Variants in GYPC observed in about 807,000 individuals in gnomAD.
The protein encoded by GYPC is glycophorin-C.
GYPC carries 14 observed loss-of-function variants against 12.6 expected under a neutral mutation model. The observed-to-expected ratio is 1.11, with a 90% CI of 0.74 to 1.74. The LOEUF is 1.74. Among genes scored for constraint, GYPC ranks in the 40% most tolerant of loss-of-function variants. The pLI, the probability that GYPC is intolerant of heterozygous loss-of-function variation, is 0.00. For missense variants in GYPC, 225 were observed against 172.1 expected, an observed-to-expected ratio of 1.31 and a Z score of -1.72; for synonymous variants, 78 against 62.1, an observed-to-expected ratio of 1.26 and a Z score of -1.20.
At chr2:126,677,071 C>T (rs963094779) in intron 1 of GYPC, among the ~76,000 whole-genome samples, 50 of 152,196 alleles carry the variant, frequency 3.3e-4, no homozygotes, top group African/African-American at 1.2e-3. Context: ...ACCCTATCTT[C>T]CCATAGACCA....
Position 126,656,272 on chromosome 2 carries a change from G to T in GYPC, c.9G>T (p.Ser3=). ...CGGGCTGACGCCCAGGAATGTGGTC[G>T]ACGAGAAGCCCCAACAGCACGGCGT... is the stretch of plus-strand genomic sequence containing the variant. MW[S]TRSPNSTAWP... Residue 3 remains serine (S), a synonymous_variant, in exon 1 of 4, where the codon TCG becomes TCT. Transcript: ENST00000259254. 1 of 1,603,894 alleles carries T rather than the reference G, an allele frequency of 6.2e-7. No individual in the cohort carries two copies. The highest frequency in any genetic ancestry group is 8.5e-7 in the Non-Finnish European group (1 of 1,176,840).
intron 1 of GYPC, among the ~76,000 whole-genome samples, chr2:126,661,455 C>CTTT (rs55662976): frequency 3.6e-4 from 52 of 145,262 alleles, no homozygotes; most frequent in African/African-American, 1.3e-3. Flanking sequence ...CTCTCTCTCT[C>CTTT]TTTTTTTTTT....
chr2:126,657,489 G>A (rs908963002), intron 1 of GYPC: 2 of 152,256 alleles, frequency 1.3e-5, no homozygotes, highest in Non-Finnish European at 2.9e-5. Context: ...TCCCGGCACG[G>A]AGTCTGACAC....
intron 2 of GYPC, among the ~76,000 whole-genome samples, chr2:126,693,457 C>T (rs1322631649): frequency 6.6e-6 from 1 of 152,160 alleles, no homozygotes; most frequent in Non-Finnish European, 1.5e-5. Flanking sequence ...GCTATAGCAA[C>T]ACAAAATGGA....
chr2:126,687,851 C>A (rs1222135663), intron 1 of GYPC, among the ~76,000 whole-genome samples: 1 of 152,190 alleles, frequency 6.6e-6, no homozygotes, highest in African/African-American at 2.4e-5. Context: ...AGGTCCCTAA[C>A]CAGAAGCCAA....
chr2:126,689,326 T>A (rs1683384565), intron 1 of GYPC, among the ~76,000 whole-genome samples: 2 of 152,200 alleles, frequency 1.3e-5, no homozygotes, highest in African/African-American at 4.8e-5. Flanking sequence ...AGCCTTGGTG[T>A]TCTTCCTGTG....
At chr2:126,673,128 A>C (rs1327938497) in intron 1 of GYPC, among the ~76,000 whole-genome samples, 1 of 152,050 alleles carries the variant, frequency 6.6e-6, no homozygotes, top group African/African-American at 2.4e-5. Flanking sequence ...CAGGGAGGGC[A>C]AGTGAGCGAA....
At position 126,685,390 on chromosome 2, in the gene GYPC, CT is replaced by C. The variant is rs111911645; in HGVS notation, c.50-4853del. On this transcript the variant is annotated intron_variant, in intron 1 of 3. Transcript: ENST00000259254. Reference sequence around the variant, plus strand: ...TTGTTAAATTGACTTTTCTTTCTTTCTTTTTTTTTTTTGAGAGGGATTCTCA... The same window carrying C: ...TTGTTAAATTGACTTTTCTTTCTTTCTTTTTTTTTTTGAGAGGGATTCTCA... 1.0e-3 allele frequency among the ~76,000 whole-genome samples: 147 copies of C among 145,654 alleles called. 1 individual carries two copies. The highest frequency in any genetic ancestry group is 3.5e-3 in the Middle Eastern group (1 of 284).
rs28387152 is a variant in GYPC, at chr2:126,676,656, TA to T, written c.50-13598del. 4.2e-3 allele frequency among the ~76,000 whole-genome samples: 638 copies of T among 152,264 alleles called. 5 individuals are homozygous for T. Among genetic ancestry groups the T allele is most frequent in the African/African-American group, 0.015 (603 of 41,548 alleles). On this transcript the variant is annotated intron_variant, in intron 1 of 3. Transcript: ENST00000259254. ...GCAAATATAAATCACAAGACCTGGA[TA>T]GGGGGCTGGGAAGATGGAGCAGGAG...
At chr2:126,680,793 T>A (rs1053427989) in intron 1 of GYPC, among the ~76,000 whole-genome samples, 1 of 152,184 alleles carries the variant, frequency 6.6e-6, no homozygotes, top group Non-Finnish European at 1.5e-5. Flanking sequence ...ACTTGGAGCA[T>A]CTCCTAACCA....
intron 1 of GYPC, among the ~76,000 whole-genome samples, chr2:126,687,106 CA>C (rs1464462908): frequency 1.3e-5 from 2 of 152,184 alleles, no homozygotes; most frequent in Non-Finnish European, 2.9e-5. Flanking sequence ...CCTCCATCTC[CA>C]GAGGCTTCCG....
intron 1 of GYPC, among the ~76,000 whole-genome samples, chr2:126,681,218 A>C (rs955766575): frequency 6.6e-6 from 1 of 152,138 alleles, no homozygotes; most frequent in African/African-American, 2.4e-5. Context: ...GTTTTTGTGG[A>C]ATATTTTTCA....
chr2:126,678,572 G>T (rs1187212228), intron 1 of GYPC: 2 of 152,360 alleles, frequency 1.3e-5, no homozygotes, highest in African/African-American at 4.8e-5. Context: ...TCTCTGGCTA[G>T]GGAGGAGGAG....
chr2:126,672,440 C>A (rs1682878154), intron 1 of GYPC, among the ~76,000 whole-genome samples: 1 of 152,182 alleles, frequency 6.6e-6, no homozygotes, highest in Admixed American at 6.5e-5. Context: ...CATACACACA[C>A]AAACACACAG....
chr2:126,686,415 G>A, intron 1 of GYPC: 1 of 985,646 alleles, frequency 1.0e-6, no homozygotes, highest in East Asian at 1.1e-4. Flanking sequence ...ACATCCTGAG[G>A]ACATAGAGAG....
At chr2:126,682,639 G>A (rs1683180640) in intron 1 of GYPC, among the ~76,000 whole-genome samples, 1 of 152,144 alleles carries the variant, frequency 6.6e-6, no homozygotes, top group Non-Finnish European at 1.5e-5. Context: ...GAAGATGCAG[G>A]GGCAAGTCAG....
chr2:126,695,365 G>A (rs1333198794), intron 3 of GYPC, among the ~76,000 whole-genome samples: 3 of 152,164 alleles, frequency 2.0e-5, no homozygotes, highest in African/African-American at 7.2e-5. Flanking sequence ...AAAAGGGAGG[G>A]AAGGAAGGAG....
intron 1 of GYPC, among the ~76,000 whole-genome samples, chr2:126,663,312 A>G (rs1682588366): frequency 6.6e-6 from 1 of 152,194 alleles, no homozygotes; most frequent in Admixed American, 6.5e-5. Flanking sequence ...CTGGGATTAT[A>G]GGCATGAGCC....
chr2:126,670,963 TA>T (rs1310587489), intron 1 of GYPC, among the ~76,000 whole-genome samples: 2 of 152,274 alleles, frequency 1.3e-5, no homozygotes, highest in South Asian at 2.1e-4. Context: ...CAGCCCTTTA[TA>T]GACTCCTGAC....
Sources: allele counts gnomAD v4.1 joint callset (sites outside exome capture counted in the v4.1 genomes callset), GRCh38; gene constraint gnomAD v4.1.1; transcripts MANE v1.5; gene names NCBI Gene and HGNC (gene_info 2026-07-23, HGNC 2026-07-21).